Variants in IQCM observed in about 807,000 individuals in gnomAD.
The protein encoded by IQCM is IQ motif containing M.
IQCM carries 45 observed loss-of-function variants against 57.6 expected under a neutral mutation model. The observed-to-expected ratio is 0.78, with a 90% CI of 0.62 to 1.00. IQCM has a LOEUF of 1.00. Among genes scored for constraint, IQCM ranks in the 50% least tolerant of loss-of-function variants. IQCM has a pLI of 0.00. For synonymous variants in IQCM, 148 were observed against 158.9 expected, an observed-to-expected ratio of 0.93 and a Z score of 0.51; for missense variants, 468 against 511.6, an observed-to-expected ratio of 0.91 and a Z score of 0.82.
chr4:149,643,764 A>G lies in IQCM; in HGVS notation c.566-22520T>C, dbSNP rs139817515. Among the ~76,000 whole-genome samples, 177 of 152,214 alleles carry G rather than the reference A, an allele frequency of 1.2e-3. 1 individual carries two copies. In the Middle Eastern group the frequency reaches 0.014, roughly 12 times the overall value. Reference sequence around the variant, plus strand: ...GTTAGGAGCTTGTAAAAAACAAGTAATTGTTTAATACTGTGGCCTTTTCCT... The same window carrying G: ...GTTAGGAGCTTGTAAAAAACAAGTAGTTGTTTAATACTGTGGCCTTTTCCT... On this transcript the variant is annotated intron_variant, in intron 7 of 13. Transcript: ENST00000636793.
rs140045650 is a variant in IQCM at position 149,625,718 on chromosome 4, G to A, written c.566-4474C>T. Among the ~76,000 whole-genome samples the A allele has an allele frequency of 7.9e-5, 12 of 152,254 alleles. No individual in the cohort carries two copies. In the East Asian group the frequency reaches 2.3e-3, roughly 29 times the overall value. On this transcript the variant is annotated intron_variant, in intron 7 of 13. Coordinates refer to ENST00000636793, the MANE Select transcript of IQCM (RefSeq NM_001363507.2). ...CCGGGTTTTATTGCTAGCTTTGGAG[G>A]AGAGGAATTCTAGTTTCTATGTCCA...
At chr4:149,532,986 G>A (rs1746905213) in intron 12 of IQCM, among the ~76,000 whole-genome samples, 1 of 152,140 alleles carries the variant, frequency 6.6e-6, no homozygotes, top group African/African-American at 2.4e-5. Context: ...GAAAAGTCAG[G>A]AAGGGGCTTT....
At chr4:149,594,971 T>G (rs1016996635) in intron 8 of IQCM, among the ~76,000 whole-genome samples, 4 of 152,162 alleles carry the variant, frequency 2.6e-5, no homozygotes, top group African/African-American at 9.7e-5. Context: ...GTCTATTAGG[T>G]CCACTTGGTG....
chr4:149,470,236 A>G (rs1001823991), intron 12 of IQCM, among the ~76,000 whole-genome samples: 6 of 152,038 alleles, frequency 3.9e-5, no homozygotes, highest in South Asian at 2.1e-4. Context: ...CCCATCTCAC[A>G]TGCAGAGACA....
At chr4:149,401,868 G>A (rs998455150) in intron 13 of IQCM, among the ~76,000 whole-genome samples, 2 of 151,722 alleles carry the variant, frequency 1.3e-5, no homozygotes, top group Non-Finnish European at 3.0e-5. Flanking sequence ...TATAAAGGTT[G>A]ATTAGATTCT....
At chr4:149,674,160 G>A (rs576122478) in intron 7 of IQCM, among the ~76,000 whole-genome samples, 127 of 152,124 alleles carry the variant, frequency 8.3e-4, no homozygotes, top group Middle Eastern at 3.4e-3. Context: ...TTTTTCCGGT[G>A]TATTTTTTAT....
Position 149,685,933 on chromosome 4 carries a change from G to A in IQCM, c.476+445C>T, listed in dbSNP as rs142955180. Among the ~76,000 whole-genome samples the A allele has an allele frequency of 2.5e-3, 380 of 151,572 alleles. 3 individuals are homozygous for A. The highest frequency in any genetic ancestry group is 6.6e-3 in the African/African-American group (273 of 41,464). ...CAGAGGCAATGCTCAGAATTCCTGT[G>A]TTCAAACTATGTTCTGTAGAACCAG... On this transcript the variant is annotated intron_variant, in intron 6 of 13. Transcript: ENST00000636793.
At chr4:149,727,933 G>A (rs1395178089) in intron 5 of IQCM, among the ~76,000 whole-genome samples, 6 of 152,156 alleles carry the variant, frequency 3.9e-5, no homozygotes, top group Non-Finnish European at 8.8e-5. Flanking sequence ...CCCAACTCCT[G>A]TAATCAGTGG....
intron 12 of IQCM, among the ~76,000 whole-genome samples, chr4:149,486,908 C>T (rs1348408607): frequency 6.6e-6 from 1 of 152,052 alleles, no homozygotes. Flanking sequence ...ACCCCAAGAG[C>T]CTGCTTGTTG....
At chr4:149,674,609 G>A (rs1301638487) in intron 7 of IQCM, among the ~76,000 whole-genome samples, 2 of 152,056 alleles carry the variant, frequency 1.3e-5, no homozygotes, top group African/African-American at 4.8e-5. Context: ...GTGATGGATT[G>A]ATGCCTATAA....
intron 6 of IQCM, among the ~76,000 whole-genome samples, 188 bp downstream of exon 6, chr4:149,686,190 A>G (rs1415233051): frequency 6.6e-6 from 1 of 151,514 alleles, no homozygotes; most frequent in African/African-American, 2.4e-5. Context: ...CCAGTTCAAA[A>G]GTTAATTGAA....
At chr4:149,733,106 C>A (rs1431786151) in intron 5 of IQCM, 138 bp downstream of exon 5, 1 of 740,938 alleles carries the variant, frequency 1.3e-6, no homozygotes, top group African/African-American at 1.8e-5. Context: ...CTCTAATAAT[C>A]AGGCCTCCCT....
At chr4:149,414,023 T>C (rs1203766307) in intron 13 of IQCM, among the ~76,000 whole-genome samples, 2 of 152,228 alleles carry the variant, frequency 1.3e-5, no homozygotes, top group African/African-American at 4.8e-5. Context: ...CTAGTTCTAG[T>C]ATTAATGCAA....
chr4:149,617,062 T>A (rs1482263905), intron 8 of IQCM, among the ~76,000 whole-genome samples: 2 of 151,994 alleles, frequency 1.3e-5, no homozygotes, highest in Non-Finnish European at 2.9e-5. Flanking sequence ...TTCAAGGTAT[T>A]CTCCTGCCTC....
chr4:149,691,435 G>C (rs1239553199), intron 5 of IQCM, among the ~76,000 whole-genome samples: 1 of 152,072 alleles, frequency 6.6e-6, no homozygotes, highest in African/African-American at 2.4e-5. Flanking sequence ...AGAGTATAAT[G>C]GTTAATAAAG....
At chr4:149,408,728 A>G (rs1192266778) in intron 13 of IQCM, among the ~76,000 whole-genome samples, 1 of 152,158 alleles carries the variant, frequency 6.6e-6, no homozygotes, top group African/African-American at 2.4e-5. Flanking sequence ...AAAAATTATC[A>G]TTTGAGGCTT....
intron 9 of IQCM, among the ~76,000 whole-genome samples, chr4:149,573,655 G>T (rs1751371327): frequency 6.6e-6 from 1 of 151,554 alleles, no homozygotes; most frequent in South Asian, 2.1e-4. Flanking sequence ...TATTGTTAGG[G>T]ATGGAGGCAG....
chr4:149,646,650 G>A (rs530167718), intron 7 of IQCM, among the ~76,000 whole-genome samples: 6 of 152,120 alleles, frequency 3.9e-5, no homozygotes, highest in African/African-American at 1.4e-4. Flanking sequence ...GAAGTTCTTT[G>A]ACTTTCAACT....
At chr4:149,471,959 T>TGGGACATATC (rs962953252) in intron 12 of IQCM, among the ~76,000 whole-genome samples, 4 of 152,200 alleles carry the variant, frequency 2.6e-5, no homozygotes, top group African/African-American at 4.8e-5. Flanking sequence ...TAGGTATTCA[T>TGGGACATATC]GGGACATATC....
Sources: gnomAD v4.1 joint callset for allele counts (sites outside exome capture counted in the v4.1 genomes callset) on GRCh38, gnomAD v4.1.1 for gene constraint, MANE v1.5 for transcripts, NCBI Gene and HGNC (gene_info 2026-07-23, HGNC 2026-07-21) for gene names.